CSMD1: variants seen among roughly 807,000 people sequenced by gnomAD.
The protein encoded by CSMD1 is CUB and Sushi multiple domains 1, also known as CUB and sushi domain-containing protein 1.
In CSMD1, 213 loss-of-function variants were observed where a neutral mutation model predicts 417.5. The observed-to-expected ratio is 0.51, with a 90% CI of 0.46 to 0.57. The LOEUF (loss-of-function observed/expected upper bound fraction) is 0.57. CSMD1 is among the 20% of genes least tolerant of loss of function. The probability of loss-of-function intolerance (pLI) is 0.00; values close to 1 mark genes in which losing one functional copy is unlikely to be tolerated. For missense variants in CSMD1, 6,923 were observed against 4,529.7 expected (o/e 1.53, Z -15.17); for synonymous variants, 2,862 against 1,736.8 (o/e 1.65, Z -16.11).
intron 3 of CSMD1, among the ~76,000 whole-genome samples, chr8:4,165,495 C>G (rs373666783): frequency 5.6e-4 from 86 of 152,316 alleles, no homozygotes; most frequent in African/African-American, 1.9e-3. Flanking sequence ...CCTCAAGTGC[C>G]CAAGCTCAAG....
At chr8:3,321,538 T>C (rs2117480613) in intron 23 of CSMD1, among the ~76,000 whole-genome samples, 1 of 152,270 alleles carries the variant, frequency 6.6e-6, no homozygotes, top group East Asian at 1.9e-4. Flanking sequence ...AATACCCCAT[T>C]ACTTCGTCTA....
chr8:3,824,878 TAATAA>T lies in CSMD1; in HGVS notation c.819-70841_819-70837del, dbSNP rs149669583. Among the ~76,000 whole-genome samples the T allele has an allele frequency of 9.2e-3, 1,395 of 152,262 alleles. 32 individuals are homozygous for T. Among genetic ancestry groups the T allele is most frequent in the African/African-American group, 0.031 (1,270 of 41,550 alleles). On this transcript the variant is annotated intron_variant, in intron 5 of 69. Coordinates refer to ENST00000635120, the MANE Select transcript of CSMD1 (RefSeq NM_033225.6). Reference sequence around the variant, plus strand: ...TTCAATTAAAACCTGACACAGGCTTTAATAAAATGAGAATTGTAAAGATTTCAGCC... The same window carrying T: ...TTCAATTAAAACCTGACACAGGCTTTAATGAGAATTGTAAAGATTTCAGCC...
intron 3 of CSMD1, among the ~76,000 whole-genome samples, chr8:4,305,951 G>A (rs1318933816): frequency 1.3e-5 from 2 of 152,086 alleles, no homozygotes; most frequent in Non-Finnish European, 2.9e-5. Context: ...GTATTGCAGG[G>A]TAACTTTCAT....
chr8:3,399,111 G>C (rs144786451), intron 16 of CSMD1, among the ~76,000 whole-genome samples: 58 of 152,166 alleles, frequency 3.8e-4, no homozygotes, highest in Non-Finnish European at 7.2e-4. Flanking sequence ...TCCAGTGCAG[G>C]TCCCAAACCC....
intron 10 of CSMD1, among the ~76,000 whole-genome samples, chr8:3,538,909 G>T (rs946643623): frequency 1.3e-5 from 2 of 152,160 alleles, no homozygotes; most frequent in Non-Finnish European, 2.9e-5. Context: ...TACACACCAT[G>T]CTGCACACAG....
At chr8:3,528,878 T>C (rs377611602) in intron 10 of CSMD1, among the ~76,000 whole-genome samples, 1 of 152,232 alleles carries the variant, frequency 6.6e-6, no homozygotes, top group Non-Finnish European at 1.5e-5. Context: ...TCTGTATGTA[T>C]TATAACTGTG....
rs142611723 is a variant in CSMD1, at chr8:3,317,333, G to T, written c.3632-8830C>A. Among the ~76,000 whole-genome samples the T allele has an allele frequency of 3.3e-5, 5 of 152,326 alleles. No homozygotes were observed. In the East Asian group the frequency reaches 9.7e-4, roughly 29 times the overall value. ...GAGCGAGACAATCTCAGTCCTTATG[G>T]AGTTTCACAGGGAAATTAGACATCC... On this transcript the variant is annotated intron_variant, in intron 23 of 69. Coordinates refer to ENST00000635120, the MANE Select transcript of CSMD1 (RefSeq NM_033225.6).
intron 5 of CSMD1, among the ~76,000 whole-genome samples, chr8:3,877,814 T>G (rs1299222456): frequency 1.3e-5 from 2 of 152,194 alleles, no homozygotes; most frequent in Non-Finnish European, 1.5e-5. Flanking sequence ...ATCATGGAGA[T>G]TGTATATTTA....
intron 5 of CSMD1, among the ~76,000 whole-genome samples, chr8:3,960,454 C>A (rs1166326215): frequency 6.6e-6 from 1 of 152,142 alleles, no homozygotes; most frequent in Non-Finnish European, 1.5e-5. Flanking sequence ...CAATTTTCAA[C>A]ACAGGGGCGA....
chr8:4,927,338 A>G (rs1291299168), intron 1 of CSMD1, among the ~76,000 whole-genome samples: 1 of 152,034 alleles, frequency 6.6e-6, no homozygotes, highest in Non-Finnish European at 1.5e-5. Context: ...GATTACAGGT[A>G]TGAGCCACCA....
intron 3 of CSMD1, among the ~76,000 whole-genome samples, chr8:4,240,880 C>G (rs1802360502): frequency 6.6e-6 from 1 of 152,154 alleles, no homozygotes; most frequent in Non-Finnish European, 1.5e-5. Flanking sequence ...GTTATGTATT[C>G]ATTCAGGCGC....
intron 5 of CSMD1, among the ~76,000 whole-genome samples, chr8:3,872,617 T>A (rs915091785): frequency 6.6e-6 from 1 of 152,184 alleles, no homozygotes; most frequent in Non-Finnish European, 1.5e-5. Context: ...CATGTCAGTT[T>A]CCACAATCCA....
chr8:4,238,628 G>A (rs1227869689), intron 3 of CSMD1, among the ~76,000 whole-genome samples: 2 of 152,150 alleles, frequency 1.3e-5, no homozygotes, highest in Admixed American at 1.3e-4. Flanking sequence ...CAGGAAGAAT[G>A]AAACCAATGA....
chr8:4,123,179 C>T (rs1469412659), intron 3 of CSMD1, among the ~76,000 whole-genome samples: 3 of 152,184 alleles, frequency 2.0e-5, no homozygotes, highest in East Asian at 1.9e-4. Context: ...TTTTATAACT[C>T]GGCTACATGA....
At chr8:4,701,896 G>A (rs989306154) in intron 1 of CSMD1, among the ~76,000 whole-genome samples, 1 of 152,122 alleles carries the variant, frequency 6.6e-6, no homozygotes, top group Non-Finnish European at 1.5e-5. Context: ...AAGAACATGT[G>A]GCACACGTAC....
At chr8:4,037,642 T>A (rs182238591) in intron 3 of CSMD1, among the ~76,000 whole-genome samples, 3 of 152,130 alleles carry the variant, frequency 2.0e-5, no homozygotes. Context: ...GGTGTGCTTA[T>A]CTACTGAAAA....
chr8:4,274,013 C>A (rs1263930778), intron 3 of CSMD1, among the ~76,000 whole-genome samples: 31 of 152,102 alleles, frequency 2.0e-4, no homozygotes, highest in Admixed American at 2.0e-3. Context: ...ATTTTTTCAG[C>A]ATATTCTATG....
intron 2 of CSMD1, among the ~76,000 whole-genome samples, chr8:4,431,421 C>G (rs1052138455): frequency 1.3e-5 from 2 of 151,960 alleles, no homozygotes; most frequent in Admixed American, 6.6e-5. Flanking sequence ...GAAGGAGGAA[C>G]AAGGTGAGAG....
intron 3 of CSMD1, among the ~76,000 whole-genome samples, chr8:4,195,875 G>C (rs552634913): frequency 6.6e-6 from 1 of 152,018 alleles, no homozygotes; most frequent in African/African-American, 2.4e-5. Flanking sequence ...CGAGACTTAC[G>C]GCAGAGGACT....
Sources: gnomAD v4.1 joint callset for allele counts (sites outside exome capture counted in the v4.1 genomes callset) on GRCh38, gnomAD v4.1.1 for gene constraint, MANE v1.5 for transcripts, NCBI Gene and HGNC (gene_info 2026-07-23, HGNC 2026-07-21) for gene names.